The following SLC24A2 variants were observed in gnomAD, a reference collection of about 807,000 sequenced individuals.
The protein encoded by SLC24A2 is solute carrier family 24 member 2.
A neutral mutation model predicts 62.0 loss-of-function variants in SLC24A2; 36 were observed. The ratio of observed to expected loss-of-function variants is 0.58; its 90% confidence interval spans 0.44 to 0.77. The LOEUF is 0.77. SLC24A2 is among the 30% of genes least tolerant of loss of function. The pLI, the probability that SLC24A2 is intolerant of heterozygous loss-of-function variation, is 0.00. For missense variants in SLC24A2, 846 were observed against 817.9 expected (o/e 1.03, Z -0.42); for synonymous variants, 358 against 294.0 (o/e 1.22, Z -2.23).
intron 2 of SLC24A2, among the ~76,000 whole-genome samples, chr9:19,742,491 A>G (rs1821709717): frequency 6.6e-6 from 1 of 152,202 alleles, no homozygotes; most frequent in Non-Finnish European, 1.5e-5. Context: ...ACTTCAGGAG[A>G]GAAAAGCCTA....
At chr9:19,814,983 C>T in the SLC24A2 span, among the ~76,000 whole-genome samples, 1 of 152,134 alleles carries the variant, frequency 6.6e-6, no homozygotes, top group Non-Finnish European at 1.5e-5. Context: ...ATACAACTCA[C>T]AGAGAATTCT....
intron 2 of SLC24A2, among the ~76,000 whole-genome samples, chr9:19,703,635 T>C (rs1820421429): frequency 6.6e-6 from 1 of 152,198 alleles, no homozygotes; most frequent in Admixed American, 6.5e-5. Flanking sequence ...ACTCTTGTGT[T>C]GAAGGGTGGA....
rs150331382 is a variant in SLC24A2, at chr9:19,533,029, T to G, written c.1480-4891A>C. On this transcript the variant is annotated intron_variant, in intron 8 of 10. Transcript: ENST00000341998. ...GGAAACAAAGCCATTAATAAAACTGTAAGTGTAAAGCCCATATTAATTATG... is the reference window on the plus strand; with the variant it reads ...GGAAACAAAGCCATTAATAAAACTGGAAGTGTAAAGCCCATATTAATTATG... Among the ~76,000 whole-genome samples, 4 of 152,336 alleles carry G rather than the reference T, an allele frequency of 2.6e-5. No individual in the cohort carries two copies. In the East Asian group the frequency reaches 5.8e-4, roughly 22 times the overall value.
the SLC24A2 span, among the ~76,000 whole-genome samples, chr9:19,960,935 T>C: frequency 6.6e-6 from 1 of 152,088 alleles, no homozygotes; most frequent in Admixed American, 6.6e-5. Flanking sequence ...TCTATTATTA[T>C]TGCCCAACTA....
chr9:19,660,373 C>T (rs890062993), intron 2 of SLC24A2, among the ~76,000 whole-genome samples: 4 of 152,122 alleles, frequency 2.6e-5, no homozygotes, highest in African/African-American at 7.2e-5. Flanking sequence ...CTTCTTTTAA[C>T]GGGCACCACA....
chr9:19,618,953 G>A (rs1407223148), intron 4 of SLC24A2, among the ~76,000 whole-genome samples: 1 of 152,162 alleles, frequency 6.6e-6, no homozygotes, highest in Middle Eastern at 3.2e-3. Context: ...GAGTAACACT[G>A]GAAGTACACA....
the SLC24A2 span, among the ~76,000 whole-genome samples, chr9:20,261,070 G>A: frequency 6.6e-6 from 1 of 151,894 alleles, no homozygotes; most frequent in East Asian, 1.9e-4. Flanking sequence ...TGGCCAGGAT[G>A]GTCTCGATCT....
chr9:20,224,818 C>G, the SLC24A2 span, among the ~76,000 whole-genome samples: 1 of 152,070 alleles, frequency 6.6e-6, no homozygotes, highest in Admixed American at 6.6e-5. Flanking sequence ...GGATTCACCC[C>G]TAACTGCTGT....
chr9:20,015,654 T>C, the SLC24A2 span, among the ~76,000 whole-genome samples: 2 of 152,264 alleles, frequency 1.3e-5, no homozygotes, highest in East Asian at 1.9e-4. Context: ...GCCTGACTTC[T>C]AACTCCAGTG....
At chr9:20,167,229 G>GA in the SLC24A2 span, among the ~76,000 whole-genome samples, 1 of 151,994 alleles carries the variant, frequency 6.6e-6, no homozygotes, top group Non-Finnish European at 1.5e-5. Flanking sequence ...CAATCCAGGG[G>GA]AAAAAAGAAT....
the SLC24A2 span, among the ~76,000 whole-genome samples, chr9:19,799,024 G>A: frequency 1.3e-5 from 2 of 151,724 alleles, no homozygotes; most frequent in East Asian, 3.9e-4. Context: ...TTATTTCATG[G>A]GATTTTCAAA....
intron 2 of SLC24A2, among the ~76,000 whole-genome samples, chr9:19,693,950 A>C (rs1305526734): frequency 6.6e-6 from 1 of 152,108 alleles, no homozygotes; most frequent in Non-Finnish European, 1.5e-5. Flanking sequence ...GGGAGGAAAA[A>C]TGGTCAATAG....
the SLC24A2 span, among the ~76,000 whole-genome samples, chr9:20,078,165 G>C: frequency 6.6e-6 from 1 of 152,168 alleles, no homozygotes; most frequent in Non-Finnish European, 1.5e-5. Flanking sequence ...CACCAACGCA[G>C]AGAATTCCCT....
upstream of SLC24A2, among the ~76,000 whole-genome samples, chr9:19,793,746 A>G (rs1233232288): frequency 6.6e-6 from 1 of 152,188 alleles, no homozygotes; most frequent in Non-Finnish European, 1.5e-5. Context: ...TATTCCTCAT[A>G]GTATATGATA....
chr9:19,885,223 A>C, the SLC24A2 span, among the ~76,000 whole-genome samples: 1 of 152,210 alleles, frequency 6.6e-6, no homozygotes, highest in Admixed American at 6.5e-5. Flanking sequence ...TTCCTGACCC[A>C]TCACTGTGGC....
the SLC24A2 span, among the ~76,000 whole-genome samples, chr9:20,162,437 T>C: frequency 1.3e-5 from 2 of 151,910 alleles, no homozygotes; most frequent in African/African-American, 2.4e-5. Context: ...CAGGAAGAAG[T>C]TGAATTTCTG....
At chr9:19,982,739 C>G in the SLC24A2 span, among the ~76,000 whole-genome samples, 1 of 152,036 alleles carries the variant, frequency 6.6e-6, no homozygotes, top group Non-Finnish European at 1.5e-5. Flanking sequence ...AAAGAAGAAA[C>G]CAATATCCCT....
In SLC24A2 at chr9:19,521,950, G is replaced by A. The variant is rs147730518; in HGVS notation, c.1570-890C>T. Among the ~76,000 whole-genome samples, 10 of 150,320 alleles carry A rather than the reference G, an allele frequency of 6.7e-5. No homozygotes were observed. The South Asian group carries it at 8.4e-4, about 13-fold the overall frequency. On this transcript the variant is annotated intron_variant, in intron 9 of 10. Coordinates refer to ENST00000341998, the MANE Select transcript of SLC24A2 (RefSeq NM_020344.4). Reference sequence around the variant, plus strand: ...TTTTGGAAGGTTGGTCTAGCCTCACGTGGAAGCTCCTCCATTCTCTTGAGC... The same window carrying A: ...TTTTGGAAGGTTGGTCTAGCCTCACATGGAAGCTCCTCCATTCTCTTGAGC...
At chr9:20,058,667 G>A in the SLC24A2 span, among the ~76,000 whole-genome samples, 2 of 152,134 alleles carry the variant, frequency 1.3e-5, no homozygotes, top group African/African-American at 2.4e-5. Context: ...TGTAATCTTA[G>A]CACTTTGGAA....
Sources: allele counts gnomAD v4.1 joint callset (sites outside exome capture counted in the v4.1 genomes callset), GRCh38; gene constraint gnomAD v4.1.1; transcripts MANE v1.5; gene names NCBI Gene and HGNC (gene_info 2026-07-23, HGNC 2026-07-21).